C1orf167: variants seen among roughly 807,000 people sequenced by gnomAD.
The protein encoded by C1orf167 is chromosome 1 open reading frame 167, also known as uncharacterized protein C1orf167.
In C1orf167, 153 loss-of-function variants were observed where a neutral mutation model predicts 176.5. That is an observed-to-expected ratio of 0.87 (90% confidence interval 0.76 to 0.99). The LOEUF is 0.99. Ranked by LOEUF, C1orf167 falls within the 50% of genes least tolerant of loss-of-function variation. The probability of loss-of-function intolerance (pLI) is 0.00; values close to 1 mark genes in which losing one functional copy is unlikely to be tolerated. For missense variants in C1orf167, 1,490 were observed against 1,817.7 expected, an observed-to-expected ratio of 0.82 and a Z score of 3.28; for synonymous variants, 594 against 752.7, an observed-to-expected ratio of 0.79 and a Z score of 3.45.
rs886045180 is a variant in C1orf167 at position 11,788,203 on chromosome 1, CCTT to C, written c.3906_3908del (p.Leu1303del). 4 of 1,300,586 alleles carry C rather than the reference CCTT, an allele frequency of 3.1e-6. No homozygotes were observed. Among genetic ancestry groups the C allele is most frequent in the Non-Finnish European group, 4.1e-6 (4 of 985,952 alleles). The allele number at this position is 1,300,586 out of a possible 1,614,324, so 80.6% of individuals were successfully genotyped here. ...AGGCCCAGGCCCATGGCTCTGCCCT[CCTT>C]CTGGCCCTGAAGGGTCACGATGCTC... On this transcript the variant is annotated inframe_deletion, in exon 19 of 21. Transcript: ENST00000688073.
In C1orf167 at chr1:11,772,216, G is replaced by A. The variant is rs1643115237; in HGVS notation, c.1945G>A (p.Val649Met). 1 of 1,304,114 alleles carries A rather than the reference G, an allele frequency of 7.7e-7. No homozygotes were observed. Among genetic ancestry groups the A allele is most frequent in the Non-Finnish European group, 1.0e-6 (1 of 988,936 alleles). 80.8% of individuals were successfully genotyped at this position (1,304,114 alleles called of 1,614,324 possible). ...CTCTACTGCTGCAGGTGTAGCCTGG[G>A]TGGCCCCACTGAGCCCCCAGCACCA... ...WHSTAAGVAW[V>M]APLSPQHQRA... The change falls in exon 8 of 21, where the codon GTG becomes ATG. Residue 649 changes from valine (V) to methionine (M), a missense_variant. By Grantham distance (21) the Val-to-Met change is conservative. Transcript: ENST00000688073.
rs928673664 is a variant in C1orf167 at position 11,774,324 on chromosome 1, G to A, written c.1989-1111G>A. Reference sequence around the variant, plus strand: ...GGCTTCCCTGAGTGCTGGGATTACAGGTGTGAGCCACCACGCCCGGCCTGT... The same window carrying A: ...GGCTTCCCTGAGTGCTGGGATTACAAGTGTGAGCCACCACGCCCGGCCTGT... On this transcript the variant is annotated intron_variant, in intron 8 of 20. Coordinates refer to ENST00000688073, the MANE Select transcript of C1orf167 (RefSeq NM_001010881.2). Among the ~76,000 whole-genome samples the A allele has an allele frequency of 3.9e-5, 6 of 152,194 alleles. No homozygotes were observed. The East Asian group carries it at 5.8e-4, about 15-fold the overall frequency.
chr1:11,785,966 C>G (rs1420630102), intron 16 of C1orf167: 3 of 151,948 alleles, frequency 2.0e-5, no homozygotes. Context: ...CTCCTGAACT[C>G]AAGTGATCCT....
At chr1:11,777,706 C>G (rs1643388378) in intron 10 of C1orf167, 1 of 152,114 alleles carries the variant, frequency 6.6e-6, no homozygotes, top group Admixed American at 6.5e-5. Context: ...CCACATGGAC[C>G]CTCAGCCTCT....
chr1:11,788,752 T>C lies in C1orf167; in HGVS notation c.4173+6T>C. 3 of 1,303,890 alleles carry C rather than the reference T, an allele frequency of 2.3e-6. No homozygotes were observed. The highest frequency in any genetic ancestry group is 3.0e-6 in the Non-Finnish European group (3 of 988,814). The allele number at this position is 1,303,890 out of a possible 1,614,324, so 80.8% of individuals were successfully genotyped here. ...TTACAGCAGCAGGAAGATGGGTGGGTCCTTTCCCAGGTACTGCCCTCTTCC... is the reference window on the plus strand; with the variant it reads ...TTACAGCAGCAGGAAGATGGGTGGGCCCTTTCCCAGGTACTGCCCTCTTCC... On this transcript the variant is annotated splice_donor_region_variant and intron_variant, in intron 20 of 20. Transcript: ENST00000688073.
Position 11,766,632 on chromosome 1 carries a change from C to T in C1orf167, c.846C>T (p.Pro282=), listed in dbSNP as rs891002215. 7.8e-7 allele frequency: 1 copy of T among 1,287,510 alleles called. No individual in the cohort carries two copies. 79.8% of individuals were successfully genotyped at this position (1,287,510 alleles called of 1,614,324 possible). A position where few individuals can be genotyped will look rare whatever the true frequency, so the allele number is the denominator to read the frequency against. ...TGGGQPFSAH[P]QPSQPVLASS... Reference sequence around the variant, plus strand: ...GCGGCCAGCCATTCTCCGCCCACCCCCAGCCCAGCCAGCCTGTCCTTGCTT... The same window carrying T: ...GCGGCCAGCCATTCTCCGCCCACCCTCAGCCCAGCCAGCCTGTCCTTGCTT... Residue 282 remains proline (P), a synonymous_variant, in exon 3 of 21, where the codon CCC becomes CCT. Coordinates refer to ENST00000688073, the MANE Select transcript of C1orf167 (RefSeq NM_001010881.2). The surrounding 1 kb of genome is among the most constrained non-coding windows in gnomAD (Gnocchi z 4.5).
At position 11,780,026 on chromosome 1, in the gene C1orf167, G is replaced by A; in HGVS notation, c.2860+16G>A. Reference sequence around the variant, plus strand: ...TGTTGGCAGGGTGAGTGGAGACTTGGTCGGGGGCACTGCGGGTGAGGGCAG... The same window carrying A: ...TGTTGGCAGGGTGAGTGGAGACTTGATCGGGGGCACTGCGGGTGAGGGCAG... On this transcript the variant is annotated intron_variant, in intron 13 of 20. Transcript: ENST00000688073. 1 of 1,259,790 alleles carries A rather than the reference G, an allele frequency of 7.9e-7. No homozygotes were observed. The highest frequency in any genetic ancestry group is 1.5e-5 in the African/African-American group (1 of 65,328). The allele number at this position is 1,259,790 out of a possible 1,614,324, so 78.0% of individuals were successfully genotyped here. A position where few individuals can be genotyped will look rare whatever the true frequency, so the allele number is the denominator to read the frequency against.
chr1:11,779,689 GTCACCCAGAGCCTCCT>G, intron 12 of C1orf167, 97 bp from the exon 13 acceptor site: 1 of 815,894 alleles, frequency 1.2e-6, no homozygotes, highest in Non-Finnish European at 1.7e-6. Context: ...AAACAGAAGA[GTCACCCAGAGCCTCCT>G]GCTGCTGGGG....
In C1orf167 at chr1:11,768,065, G is replaced by A. The variant is rs763651318; in HGVS notation, c.1344-12G>A. ...GCAGTCCACACCCTGATCAGCCCTGGTCTGTCCCCAGCTGGCAGCTGTTGT... is the reference window on the plus strand; with the variant it reads ...GCAGTCCACACCCTGATCAGCCCTGATCTGTCCCCAGCTGGCAGCTGTTGT... On this transcript the variant is annotated splice_polypyrimidine_tract_variant and intron_variant, in intron 4 of 20. Coordinates refer to ENST00000688073, the MANE Select transcript of C1orf167 (RefSeq NM_001010881.2). This position sits in a 1 kb window ranked among gnomAD's most constrained non-coding sequence, Gnocchi z 4.5. 2 of 1,279,448 alleles carry A rather than the reference G, an allele frequency of 1.6e-6. No individual in the cohort carries two copies. Among genetic ancestry groups the A allele is most frequent in the African/African-American group, 3.0e-5 (2 of 65,770 alleles). 79.3% of individuals were successfully genotyped at this position (1,279,448 alleles called of 1,614,324 possible). A position where few individuals can be genotyped will look rare whatever the true frequency, so the allele number is the denominator to read the frequency against.
At chr1:11,771,408 CAG>C (rs1330437258) in intron 6 of C1orf167, 114 bp from the exon 7 acceptor site, 29 of 450,112 alleles carry the variant, frequency 6.4e-5, no homozygotes, top group Non-Finnish European at 8.1e-6. Context: ...TAGGGGGACT[CAG>C]CGCCCCCTGC....
chr1:11,788,379 G>C lies in C1orf167; in HGVS notation c.4078+1G>C. ...GGCAGAGCAGCTGGTGCGGACCCTG[G>C]TGAGTGGGTGCACCCCTCTCCACAC... is the stretch of plus-strand genomic sequence containing the variant. On this transcript the variant is annotated splice_donor_variant, in intron 19 of 20. Transcript: ENST00000688073. LOFTEE classifies it high-confidence loss of function. The C allele has an allele frequency of 7.7e-7, 1 of 1,290,396 alleles. No individual in the cohort carries two copies. The highest frequency in any genetic ancestry group is 1.0e-6 in the Non-Finnish European group (1 of 979,022). 79.9% of individuals were successfully genotyped at this position (1,290,396 alleles called of 1,614,324 possible).
At chr1:11,762,351 T>C in intron 1 of C1orf167, 46 bp downstream of exon 1, 1 of 298,614 alleles carries the variant, frequency 3.3e-6, no homozygotes, top group East Asian at 9.0e-5. Context: ...CAGACTCTTT[T>C]GGTGGCAAGA....
rs181305555 is a variant in C1orf167, at chr1:11,775,012, C to T, written c.1989-423C>T. On this transcript the variant is annotated intron_variant, in intron 8 of 20. Coordinates refer to ENST00000688073, the MANE Select transcript of C1orf167 (RefSeq NM_001010881.2). ...GAGAAAACGGAGGCTTGGCCAGACG[C>T]GGTGGCTCAAGCCTGTAATTCCAGC... Among the ~76,000 whole-genome samples, 685 of 152,246 alleles carry T rather than the reference C, an allele frequency of 4.5e-3. 6 individuals carry two copies. The highest frequency in any genetic ancestry group is 0.016 in the African/African-American group (649 of 41,540).
In C1orf167 at chr1:11,772,240, C is replaced by T. The variant is rs1046622233; in HGVS notation, c.1969C>T (p.Gln657Ter). The T allele has an allele frequency of 1.5e-6, 2 of 1,303,700 alleles. No homozygotes were observed. Among genetic ancestry groups the T allele is most frequent in the African/African-American group, 3.0e-5 (2 of 65,852 alleles). 80.8% of individuals were successfully genotyped at this position (1,303,700 alleles called of 1,614,324 possible). A position where few individuals can be genotyped will look rare whatever the true frequency, so the allele number is the denominator to read the frequency against. The change falls in exon 8 of 21, where the codon CAG becomes TAG. Residue 657 changes from glutamine (Q) to a stop codon, truncating the protein, a stop_gained. Coordinates refer to ENST00000688073, the MANE Select transcript of C1orf167 (RefSeq NM_001010881.2). LOFTEE classifies it high-confidence loss of function. ...AWVAPLSPQH[Q>*]RAWLCRCFGA... ...GGTGGCCCCACTGAGCCCCCAGCAC[C>T]AGAGAGCTTGGCTGTGCAGGTAGGA...
chr1:11,769,095 C>A lies in C1orf167; in HGVS notation c.1665C>A (p.Asp555Glu), dbSNP rs1269246206. ...GLSLGRSTVV[D>E]PAQRSRLEHT... ...CCTTGGGAAGAAGCACAGTGGTGGA[C>A]CCCGCCCAGAGAAGCAGGCTGGAAC... The change falls in exon 6 of 21, where the codon GAC becomes GAA. Residue 555 changes from aspartate (D) to glutamate (E), a missense_variant. Physicochemically the swap from Asp to Glu is conservative, Grantham distance 45. Coordinates refer to ENST00000688073, the MANE Select transcript of C1orf167 (RefSeq NM_001010881.2). 3.0e-6 allele frequency: 3 copies of A among 985,902 alleles called. No homozygotes were observed. The highest frequency in any genetic ancestry group is 3.6e-6 in the Non-Finnish European group (3 of 829,962). The allele number at this position is 985,902 out of a possible 1,614,324, so 61.1% of individuals were successfully genotyped here.
At chr1:11,786,109 C>T (rs1402576605) in intron 16 of C1orf167, 2 of 151,540 alleles carry the variant, frequency 1.3e-5, no homozygotes, top group African/African-American at 4.9e-5. Flanking sequence ...TAGAAAAATA[C>T]CAAAATTTCT....
chr1:11,789,164 G>GC (rs929876311), intron 20 of C1orf167, 106 bp from the exon 21 acceptor site: 1 of 1,115,578 alleles, frequency 9.0e-7, no homozygotes, highest in Non-Finnish European at 1.2e-6. Context: ...AGAGGGAGGG[G>GC]CCCTGGGGAC....
At chr1:11,777,715 C>CT (rs1270235715) in intron 10 of C1orf167, 2 of 152,124 alleles carry the variant, frequency 1.3e-5, no homozygotes, top group African/African-American at 4.8e-5. Flanking sequence ...CCCTCAGCCT[C>CT]TTTCAGTGTA....
At chr1:11,763,061 A>G (rs1181674366) in intron 1 of C1orf167, among the ~76,000 whole-genome samples, 1 of 152,076 alleles carries the variant, frequency 6.6e-6, no homozygotes, top group Non-Finnish European at 1.5e-5. Context: ...CATTTGGAGG[A>G]GCAGCCAGGG....
Sources: gnomAD v4.1 joint callset for allele counts (sites outside exome capture counted in the v4.1 genomes callset) on GRCh38, gnomAD v4.1.1 for gene constraint, Gnocchi (gnomAD v3.1) non-coding constraint, MANE v1.5 for transcripts, NCBI Gene and HGNC (gene_info 2026-07-23, HGNC 2026-07-21) for gene names.